Variants in FHIT observed in about 807,000 individuals in gnomAD.
FHIT encodes the protein bis(5'-adenosyl)-triphosphatase.
FHIT carries 19 observed loss-of-function variants against 17.9 expected under a neutral mutation model. The ratio of observed to expected loss-of-function variants is 1.06; its 90% CI spans 0.74 to 1.56. The LOEUF is 1.56. Among genes scored for constraint, FHIT ranks in the 40% most tolerant of loss-of-function variants. FHIT has a pLI of 0.00. For synonymous variants in FHIT, 81 were observed against 69.7 expected, an observed-to-expected ratio of 1.16 and a Z score of -0.81; for missense variants, 248 against 189.2, an observed-to-expected ratio of 1.31 and a Z score of -1.82.
intron 5 of FHIT, among the ~76,000 whole-genome samples, chr3:60,435,940 A>G (rs1303471811): frequency 6.6e-6 from 1 of 152,152 alleles, no homozygotes; most frequent in Non-Finnish European, 1.5e-5. Flanking sequence ...TTCGTTTGCT[A>G]AGGATAATGG....
intron 4 of FHIT, among the ~76,000 whole-genome samples, chr3:60,716,161 T>C (rs1199231568): frequency 1.3e-5 from 2 of 152,012 alleles, no homozygotes; most frequent in African/African-American, 2.4e-5. Context: ...GGAGAATCAC[T>C]TGAACCCAGG....
At chr3:60,558,729 G>A (rs1294057712) in intron 4 of FHIT, among the ~76,000 whole-genome samples, 1 of 152,182 alleles carries the variant, frequency 6.6e-6, no homozygotes, top group African/African-American at 2.4e-5. Context: ...ACTGTAGGCA[G>A]ATGTCGCTAA....
chr3:60,157,701 T>C (rs1162774675), intron 5 of FHIT, among the ~76,000 whole-genome samples: 1 of 152,160 alleles, frequency 6.6e-6, no homozygotes, highest in Non-Finnish European at 1.5e-5. Flanking sequence ...AATAAGTCCA[T>C]CATCTTCTCC....
chr3:60,532,706 G>C (rs2035831277), intron 5 of FHIT, among the ~76,000 whole-genome samples: 1 of 152,230 alleles, frequency 6.6e-6, no homozygotes, highest in African/African-American at 2.4e-5. Flanking sequence ...TTTGCTTCAG[G>C]TGGGAACAAG....
chr3:60,513,639 CACTT>C (rs769732518), intron 5 of FHIT, among the ~76,000 whole-genome samples: 23 of 152,150 alleles, frequency 1.5e-4, no homozygotes, highest in Non-Finnish European at 2.6e-4. Context: ...CACATGTTCT[CACTT>C]ACAAGAGGGA....
intron 4 of FHIT, among the ~76,000 whole-genome samples, chr3:60,609,301 C>G (rs2038706798): frequency 6.6e-6 from 1 of 151,356 alleles, no homozygotes; most frequent in Non-Finnish European, 1.5e-5. Context: ...CCCTTCTGCA[C>G]AGAGTTCAGC....
intron 4 of FHIT, among the ~76,000 whole-genome samples, chr3:60,628,601 C>T (rs113505323): frequency 5.5e-4 from 83 of 152,242 alleles, no homozygotes; most frequent in Middle Eastern, 3.4e-3. Context: ...GCCAATTTTT[C>T]GTTACTCCAG....
intron 4 of FHIT, among the ~76,000 whole-genome samples, chr3:60,569,044 C>T (rs1203679508): frequency 6.6e-6 from 1 of 151,632 alleles, no homozygotes; most frequent in African/African-American, 2.4e-5. Flanking sequence ...GAAAACAGGC[C>T]TTCCAACTCT....
Position 60,085,500 on chromosome 3 carries a change from T to A in FHIT, c.104-71348A>T, listed in dbSNP as rs139857992. On this transcript the variant is annotated intron_variant, in intron 5 of 9. Coordinates refer to ENST00000492590, the MANE Select transcript of FHIT (RefSeq NM_002012.4). ...ATTGCTTTCCTGACAGTAGGGATTTTTATCTGCAGTGCTTCAGAGCCAAAG... is the reference window on the plus strand; with the variant it reads ...ATTGCTTTCCTGACAGTAGGGATTTATATCTGCAGTGCTTCAGAGCCAAAG... Among the ~76,000 whole-genome samples, 1,103 of 152,342 alleles carry A rather than the reference T, an allele frequency of 7.2e-3. 43 individuals are homozygous for A. The highest frequency in any genetic ancestry group is 0.065 in the Admixed American group (987 of 15,284).
At chr3:60,443,682 T>A (rs2107341752) in intron 5 of FHIT, among the ~76,000 whole-genome samples, 1 of 152,248 alleles carries the variant, frequency 6.6e-6, no homozygotes, top group East Asian at 1.9e-4. Flanking sequence ...TGCCAGTATT[T>A]TATTGAGGAT....
intron 5 of FHIT, among the ~76,000 whole-genome samples, chr3:60,196,718 CATAT>C (rs1342864595): frequency 6.6e-6 from 1 of 151,784 alleles, no homozygotes; most frequent in Non-Finnish European, 1.5e-5. Flanking sequence ...TACAGACATA[CATAT>C]ATAACATATA....
intron 2 of FHIT, among the ~76,000 whole-genome samples, chr3:61,060,608 T>C (rs1194922384): frequency 2.0e-5 from 3 of 152,230 alleles, no homozygotes; most frequent in Non-Finnish European, 4.4e-5. Context: ...CATCATATCT[T>C]CTCCAGCTGC....
chr3:60,316,066 T>C (rs1709151645), intron 5 of FHIT, among the ~76,000 whole-genome samples: 1 of 152,174 alleles, frequency 6.6e-6, no homozygotes, highest in Non-Finnish European at 1.5e-5. Context: ...ATGACATTGT[T>C]CTTGGAAAAA....
At chr3:60,207,838 G>A (rs1454057857) in intron 5 of FHIT, among the ~76,000 whole-genome samples, 1 of 152,066 alleles carries the variant, frequency 6.6e-6, no homozygotes, top group African/African-American at 2.4e-5. Context: ...ACATGGTAGG[G>A]GTAATGTATT....
chr3:60,457,998 C>G (rs2032218377), intron 5 of FHIT, among the ~76,000 whole-genome samples: 1 of 152,142 alleles, frequency 6.6e-6, no homozygotes, highest in Admixed American at 6.5e-5. Context: ...ATGTAAACTA[C>G]TTCAACCATT....
chr3:60,434,300 C>T (rs1212186330), intron 5 of FHIT, among the ~76,000 whole-genome samples: 1 of 152,046 alleles, frequency 6.6e-6, no homozygotes. Flanking sequence ...ACAGCAAAAT[C>T]TCAAAGTAAA....
intron 5 of FHIT, among the ~76,000 whole-genome samples, chr3:60,481,706 A>AGGT (rs2033617421): frequency 6.6e-6 from 1 of 152,252 alleles, no homozygotes; most frequent in Non-Finnish European, 1.5e-5. Context: ...AACAAGTACC[A>AGGT]GCTGCTGCAA....
intron 4 of FHIT, among the ~76,000 whole-genome samples, chr3:60,805,937 T>C (rs1254392151): frequency 6.6e-6 from 1 of 152,170 alleles, no homozygotes; most frequent in Non-Finnish European, 1.5e-5. Context: ...GGCTTCAGTG[T>C]ATCAATTCAG....
intron 8 of FHIT, among the ~76,000 whole-genome samples, chr3:59,757,184 C>T (rs753542860): frequency 1.3e-5 from 2 of 152,108 alleles, no homozygotes; most frequent in Non-Finnish European, 2.9e-5. Context: ...AAGCTTTGTT[C>T]TTTAGAGGAA....
Sources: allele counts gnomAD v4.1 joint callset (sites outside exome capture counted in the v4.1 genomes callset), GRCh38; gene constraint gnomAD v4.1.1; transcripts MANE v1.5; gene names NCBI Gene and HGNC (gene_info 2026-07-23, HGNC 2026-07-21).